The following TMTC4 variants were observed in gnomAD, a reference collection of about 807,000 sequenced individuals.
TMTC4 encodes the protein protein O-mannosyl-transferase TMTC4.
In TMTC4, 65 loss-of-function variants were observed where a neutral mutation model predicts 86.0. The ratio of observed to expected loss-of-function variants is 0.76; its 90% CI spans 0.62 to 0.93. The LOEUF (loss-of-function observed/expected upper bound fraction) is 0.93. Ranked by LOEUF, TMTC4 falls within the 40% of genes least tolerant of loss-of-function variation. TMTC4 has a pLI of 0.00. For missense variants in TMTC4, 866 were observed against 948.1 expected (o/e 0.91, Z 1.14); for synonymous variants, 379 against 382.5 (o/e 0.99, Z 0.11).
intron 1 of TMTC4, chr13:100,674,101 T>C: frequency 2.0e-6 from 2 of 984,500 alleles, no homozygotes; most frequent in Non-Finnish European, 1.2e-6. Context: ...AGGTGGGCAG[T>C]GGCTGCGCCA....
At chr13:100,665,120 A>C (rs540666521) in intron 3 of TMTC4, among the ~76,000 whole-genome samples, 1 of 152,358 alleles carries the variant, frequency 6.6e-6, no homozygotes, top group South Asian at 2.1e-4. Context: ...ATTAAAAAAA[A>C]CACTGTACCG....
intron 5 of TMTC4, among the ~76,000 whole-genome samples, chr13:100,657,049 C>A (rs1285316176): frequency 6.6e-6 from 1 of 152,182 alleles, no homozygotes; most frequent in Non-Finnish European, 1.5e-5. Context: ...CTGCTGGACA[C>A]AGACGGCGAT....
intron 6 of TMTC4, among the ~76,000 whole-genome samples, chr13:100,642,890 T>C (rs1883213435): frequency 6.6e-6 from 1 of 152,162 alleles, no homozygotes; most frequent in Non-Finnish European, 1.5e-5. Context: ...AGCTGGCACC[T>C]ACCTAGCACC....
intron 16 of TMTC4, 21 bp downstream of exon 16, chr13:100,614,295 G>C: frequency 6.3e-7 from 1 of 1,578,020 alleles, no homozygotes; most frequent in Non-Finnish European, 8.7e-7. Flanking sequence ...CCTGTGATTT[G>C]TTCCATCCAG....
intron 12 of TMTC4, among the ~76,000 whole-genome samples, chr13:100,631,995 T>C (rs576004203): frequency 7.1e-6 from 1 of 141,822 alleles, no homozygotes; most frequent in South Asian, 2.2e-4. Flanking sequence ...CTTATATGTA[T>C]TCCTTAAATT....
At chr13:100,674,402 G>T in intron 1 of TMTC4, 1 of 938,662 alleles carries the variant, frequency 1.1e-6, no homozygotes, top group Non-Finnish European at 1.3e-6. Context: ...GTGCGCCCGG[G>T]CCGAGGGAGC....
Position 100,637,551 on chromosome 13 carries a change from C to A in TMTC4, c.986G>T (p.Ser329Ile). Residue 329 changes from serine to isoleucine, a missense_variant, in exon 9 of 19, where the codon AGC becomes ATC. By Grantham distance (142) the Ser-to-Ile change is moderately radical. Coordinates refer to ENST00000342624, the MANE Select transcript of TMTC4 (RefSeq NM_032813.5). ...CTCAGAACTCACCCTCACCAGCATG[C>A]TGTCAGCAAAGGAGGCCGGGTTGTC... ...EVDNPASFADSMLVRAVNYNY... is the reference protein window; with the variant it reads ...EVDNPASFADIMLVRAVNYNY... The A allele has an allele frequency of 6.2e-7, 1 of 1,613,470 alleles. No individual in the cohort carries two copies. Among genetic ancestry groups the A allele is most frequent in the Non-Finnish European group, 8.5e-7 (1 of 1,179,704 alleles).
intron 6 of TMTC4, among the ~76,000 whole-genome samples, chr13:100,650,805 G>A (rs560811574): frequency 1.1e-4 from 17 of 152,312 alleles, no homozygotes; most frequent in African/African-American, 3.1e-4. Flanking sequence ...AAAACCAAGC[G>A]TCCTATCGGA....
intron 12 of TMTC4, 38 bp from the exon 13 acceptor site, chr13:100,626,188 C>G (rs758076233): frequency 9.4e-6 from 15 of 1,601,900 alleles, no homozygotes; most frequent in Non-Finnish European, 1.2e-5. Context: ...AGCAGACAGA[C>G]TTCTTGTTCA....
At chr13:100,665,991 G>A (rs1255796531) in intron 3 of TMTC4, 7 of 456,422 alleles carry the variant, frequency 1.5e-5, no homozygotes, top group Admixed American at 1.4e-4. Flanking sequence ...TCTTACAGAA[G>A]TACCCGGTCA....
At chr13:100,650,963 G>A (rs994542015) in intron 6 of TMTC4, among the ~76,000 whole-genome samples, 11 of 152,148 alleles carry the variant, frequency 7.2e-5, no homozygotes, top group Non-Finnish European at 1.0e-4. Flanking sequence ...TACAGCTTAA[G>A]GTGAACTATA....
At chr13:100,665,920 T>G (rs890323077) in intron 3 of TMTC4, 1 of 431,880 alleles carries the variant, frequency 2.3e-6, no homozygotes, top group East Asian at 7.1e-5. Context: ...GAAGGTCATG[T>G]GAGGCACCTG....
intron 6 of TMTC4, 100 bp downstream of exon 6, chr13:100,656,281 C>T: frequency 1.0e-6 from 1 of 975,640 alleles, no homozygotes; most frequent in Non-Finnish European, 1.5e-6. Context: ...CAGAGTGACA[C>T]ACTCACATAG....
In TMTC4 at chr13:100,668,572, T is replaced by C; in HGVS notation, c.219+7A>G. 1.2e-6 allele frequency: 2 copies of C among 1,613,548 alleles called. No individual in the cohort carries two copies. The highest frequency in any genetic ancestry group is 2.2e-5 in the South Asian group (2 of 91,010). ...TAAGTTTACCAGAAAAGAGTTGAGA[T>C]ACAAACCTTATTGTTAACAATAGCT... On this transcript the variant is annotated splice_region_variant and intron_variant, in intron 3 of 18. Coordinates refer to ENST00000342624, the MANE Select transcript of TMTC4 (RefSeq NM_032813.5).
chr13:100,667,585 C>G (rs946711541), intron 3 of TMTC4, among the ~76,000 whole-genome samples: 1 of 152,104 alleles, frequency 6.6e-6, no homozygotes, highest in Non-Finnish European at 1.5e-5. Context: ...ATAGAGAGTT[C>G]TTCTCAACAT....
intron 1 of TMTC4, among the ~76,000 whole-genome samples, chr13:100,673,095 A>G (rs549868712): frequency 2.0e-4 from 30 of 152,310 alleles, no homozygotes; most frequent in African/African-American, 7.2e-4. Flanking sequence ...TGAATCTGGA[A>G]CAAAGCAGAC....
chr13:100,654,251 C>G (rs557377090), intron 6 of TMTC4, among the ~76,000 whole-genome samples: 3 of 152,204 alleles, frequency 2.0e-5, no homozygotes, highest in Non-Finnish European at 2.9e-5. Flanking sequence ...GCAAAAATGC[C>G]CAGGTTAACA....
intron 15 of TMTC4, among the ~76,000 whole-genome samples, chr13:100,617,541 C>T (rs958574529): frequency 2.0e-5 from 3 of 152,234 alleles, no homozygotes; most frequent in East Asian, 1.9e-4. Context: ...CACTCTTTTG[C>T]GTATGGCTAG....
At position 100,612,425 on chromosome 13, in the gene TMTC4, G is replaced by A; in HGVS notation, c.2037C>T (p.Asn679=). 7.5e-6 allele frequency: 12 copies of A among 1,609,620 alleles called. No individual in the cohort carries two copies. The highest frequency in any genetic ancestry group is 2.2e-5 in the East Asian group (1 of 44,532). ...NDHSLMFSLA[N]VLGKSQKYKE... is the part of the protein sequence containing the mutation. Reference sequence around the variant, plus strand: ...TGTATTTCTGGGATTTCCCCAGCACGTTTGCCAACGAGAACATGAGAGAGT... The same window carrying A: ...TGTATTTCTGGGATTTCCCCAGCACATTTGCCAACGAGAACATGAGAGAGT... The change falls in exon 17 of 19, where the codon AAC becomes AAT. Residue 679 remains asparagine (N), a synonymous_variant. Transcript: ENST00000342624.
Sources: allele counts gnomAD v4.1 joint callset (sites outside exome capture counted in the v4.1 genomes callset), GRCh38; gene constraint gnomAD v4.1.1; transcripts MANE v1.5; gene names NCBI Gene and HGNC (gene_info 2026-07-23, HGNC 2026-07-21).